The following CCSER1 variants were observed in gnomAD, a reference collection of about 807,000 sequenced individuals.
CCSER1 encodes coiled-coil serine rich protein 1, also known as serine-rich coiled-coil domain-containing protein 1.
CCSER1 carries 41 observed loss-of-function variants against 82.0 expected under a neutral mutation model. The ratio of observed to expected loss-of-function variants is 0.50; its 90% CI spans 0.39 to 0.65. The LOEUF is 0.65. Ranked by LOEUF, CCSER1 falls within the 30% of genes least tolerant of loss-of-function variation. The pLI, the probability that CCSER1 is intolerant of heterozygous loss-of-function variation, is 0.00. For synonymous variants in CCSER1, 414 were observed against 383.9 expected, an observed-to-expected ratio of 1.08 and a Z score of -0.92; for missense variants, 1,119 against 1,064.2, an observed-to-expected ratio of 1.05 and a Z score of -0.72.
chr4:90,410,251 C>G (rs142860848), intron 4 of CCSER1, among the ~76,000 whole-genome samples: 1,546 of 152,162 alleles, frequency 0.01, 16 homozygotes, highest in South Asian at 0.03. Flanking sequence ...GGATATCCAG[C>G]AATTGAACTC....
At chr4:90,158,977 A>G (rs1394120124) in intron 1 of CCSER1, among the ~76,000 whole-genome samples, 2 of 151,908 alleles carry the variant, frequency 1.3e-5, no homozygotes, top group South Asian at 2.1e-4. Flanking sequence ...CTTCACTCAC[A>G]CTGGGAGCTG....
chr4:91,205,875 C>T (rs1213241633), intron 10 of CCSER1, among the ~76,000 whole-genome samples: 9 of 151,748 alleles, frequency 5.9e-5, no homozygotes, highest in African/African-American at 1.5e-4. Flanking sequence ...CTGTACAAGA[C>T]GCTGTGAAAA....
intron 5 of CCSER1, among the ~76,000 whole-genome samples, chr4:90,489,155 C>A (rs1393595354): frequency 6.6e-6 from 1 of 152,092 alleles, no homozygotes; most frequent in Non-Finnish European, 1.5e-5. Flanking sequence ...ACTTTTATTT[C>A]TTTCAAGAAG....
At chr4:90,768,079 G>A (rs889973538) in intron 7 of CCSER1, among the ~76,000 whole-genome samples, 3 of 152,156 alleles carry the variant, frequency 2.0e-5, no homozygotes, top group Non-Finnish European at 4.4e-5. Context: ...ATAGAATATG[G>A]AAGAAATAAG....
intron 1 of CCSER1, among the ~76,000 whole-genome samples, chr4:90,222,379 T>G (rs1742313763): frequency 6.6e-6 from 1 of 152,224 alleles, no homozygotes; most frequent in Non-Finnish European, 1.5e-5. Context: ...ATTGAAACAT[T>G]TCCTATTGTT....
At chr4:90,871,133 A>T in intron 8 of CCSER1, among the ~76,000 whole-genome samples, 2 of 146,050 alleles carry the variant, frequency 1.4e-5, no homozygotes, top group African/African-American at 5.0e-5. Flanking sequence ...TTAACTTTTC[A>T]TTTTGTTGAT....
At chr4:90,477,651 G>T (rs1765295195) in intron 5 of CCSER1, among the ~76,000 whole-genome samples, 1 of 149,924 alleles carries the variant, frequency 6.7e-6, no homozygotes, top group Admixed American at 6.6e-5. Flanking sequence ...TTTTTCCTCT[G>T]GTATATTAAG....
intron 10 of CCSER1, among the ~76,000 whole-genome samples, chr4:91,312,683 T>C (rs935179555): frequency 6.6e-6 from 1 of 151,936 alleles, no homozygotes. Flanking sequence ...TCTTCACCCA[T>C]GTTTAACTTG....
chr4:91,099,646 G>A (rs1724856717), intron 10 of CCSER1, among the ~76,000 whole-genome samples: 1 of 152,094 alleles, frequency 6.6e-6, no homozygotes, highest in Non-Finnish European at 1.5e-5. Flanking sequence ...GTCCAGAAAG[G>A]TGGGACAACT....
intron 6 of CCSER1, among the ~76,000 whole-genome samples, chr4:90,692,387 C>A (rs1736169924): frequency 6.6e-6 from 1 of 151,840 alleles, no homozygotes; most frequent in South Asian, 2.1e-4. Flanking sequence ...GCCCGTTTCA[C>A]CTCATGGTTT....
chr4:91,363,215 G>C (rs971338423), intron 10 of CCSER1, among the ~76,000 whole-genome samples: 5 of 151,744 alleles, frequency 3.3e-5, no homozygotes, highest in African/African-American at 1.2e-4. Flanking sequence ...CTAGCGTAAT[G>C]CTTTTGAGTT....
intron 2 of CCSER1, 26 bp downstream of exon 2, chr4:90,309,634 A>G: frequency 6.7e-7 from 1 of 1,482,330 alleles, no homozygotes; most frequent in Non-Finnish European, 9.0e-7. Flanking sequence ...TTGTATAACA[A>G]ATGATATGAA....
intron 10 of CCSER1, among the ~76,000 whole-genome samples, chr4:91,597,639 A>G (rs1764646922): frequency 6.6e-6 from 1 of 152,126 alleles, no homozygotes; most frequent in South Asian, 2.1e-4. Context: ...TTAATCAAAC[A>G]AAAAGTGATG....
intron 7 of CCSER1, among the ~76,000 whole-genome samples, chr4:90,771,614 G>A (rs1334662236): frequency 1.4e-5 from 2 of 147,544 alleles, no homozygotes; most frequent in Admixed American, 6.8e-5. Flanking sequence ...TTTGTAGAAA[G>A]TGAGATACTA....
intron 8 of CCSER1, among the ~76,000 whole-genome samples, chr4:90,876,621 A>G (rs1363884725): frequency 6.6e-6 from 1 of 152,098 alleles, no homozygotes; most frequent in East Asian, 1.9e-4. Flanking sequence ...TTAGTTGTTC[A>G]TAAACCACAA....
intron 9 of CCSER1, among the ~76,000 whole-genome samples, chr4:90,931,033 T>C (rs1021880557): frequency 5.1e-5 from 6 of 118,694 alleles, no homozygotes; most frequent in East Asian, 3.2e-4. Context: ...ATATATATCT[T>C]TGACATATAT....
At chr4:90,463,432 T>A (rs1283105677) in intron 4 of CCSER1, among the ~76,000 whole-genome samples, 1 of 152,192 alleles carries the variant, frequency 6.6e-6, no homozygotes, top group Non-Finnish European at 1.5e-5. Flanking sequence ...ATGACAGTAA[T>A]AACAATATGC....
intron 5 of CCSER1, among the ~76,000 whole-genome samples, chr4:90,532,738 T>A (rs571868719): frequency 8.5e-5 from 13 of 152,320 alleles, no homozygotes; most frequent in African/African-American, 3.1e-4. Context: ...TTCTTACATT[T>A]AAAGGAAATT....
At chr4:91,470,158 C>G (rs1256094860) in intron 10 of CCSER1, among the ~76,000 whole-genome samples, 2 of 152,096 alleles carry the variant, frequency 1.3e-5, no homozygotes, top group Admixed American at 6.6e-5. Context: ...ATTTTGTAAA[C>G]TTGCTAAACT....
Sources: allele counts gnomAD v4.1 joint callset (sites outside exome capture counted in the v4.1 genomes callset), GRCh38; gene constraint gnomAD v4.1.1; transcripts MANE v1.5; gene names NCBI Gene and HGNC (gene_info 2026-07-23, HGNC 2026-07-21).